The following HCRTR2 variants were observed in gnomAD, a reference collection of about 807,000 sequenced individuals.
HCRTR2 encodes hypocretin receptor 2.
A neutral mutation model predicts 49.0 loss-of-function variants in HCRTR2; 22 were observed. That is an observed-to-expected ratio of 0.45 (90% CI 0.32 to 0.64). The LOEUF is 0.64. Ranked by LOEUF, HCRTR2 falls within the 30% of genes least tolerant of loss-of-function variation. The probability of loss-of-function intolerance (pLI) is 0.04; values close to 1 mark genes in which losing one functional copy is unlikely to be tolerated. For missense variants in HCRTR2, 491 were observed against 559.4 expected (o/e 0.88, Z 1.23); for synonymous variants, 236 against 205.3 (o/e 1.15, Z -1.28).
intron 1 of HCRTR2, among the ~76,000 whole-genome samples, chr6:55,229,762 T>C (rs1469779945): frequency 6.6e-6 from 1 of 152,100 alleles, no homozygotes; most frequent in Non-Finnish European, 1.5e-5. Context: ...TGCTGTCCAA[T>C]GAGTATGTAG....
intron 1 of HCRTR2, among the ~76,000 whole-genome samples, chr6:55,153,486 G>C (rs895578939): frequency 6.6e-6 from 1 of 151,924 alleles, no homozygotes; most frequent in Non-Finnish European, 1.5e-5. Context: ...AAAAAGTACA[G>C]TAAAAATATT....
chr6:55,156,859 CAGACT>C (rs1764738198), intron 1 of HCRTR2, among the ~76,000 whole-genome samples: 2 of 152,054 alleles, frequency 1.3e-5, no homozygotes. Context: ...AAGCATTCCA[CAGACT>C]AGGAATAGAA....
chr6:55,233,281 G>A (rs753959092), intron 1 of HCRTR2, among the ~76,000 whole-genome samples: 7 of 151,944 alleles, frequency 4.6e-5, no homozygotes, highest in Non-Finnish European at 1.0e-4. Context: ...AGTAAACATG[G>A]GGTTTTACCA....
intron 4 of HCRTR2, among the ~76,000 whole-genome samples, chr6:55,271,758 G>A (rs1581870224): frequency 6.6e-6 from 1 of 151,972 alleles, no homozygotes; most frequent in Non-Finnish European, 1.5e-5. Flanking sequence ...TGGTCAATAA[G>A]CACATAAGAA....
At chr6:55,147,251 A>G (rs762676003) in intron 1 of HCRTR2, among the ~76,000 whole-genome samples, 7 of 152,176 alleles carry the variant, frequency 4.6e-5, no homozygotes, top group Admixed American at 2.0e-4. Flanking sequence ...AGTATAATAT[A>G]TACATTAATT....
At chr6:55,232,152 G>C (rs1392404613) in intron 1 of HCRTR2, among the ~76,000 whole-genome samples, 1 of 152,026 alleles carries the variant, frequency 6.6e-6, no homozygotes, top group Non-Finnish European at 1.5e-5. Flanking sequence ...GCCTCAAAGA[G>C]CATCCCCTCT....
intron 1 of HCRTR2, among the ~76,000 whole-genome samples, chr6:55,198,427 G>A (rs897234215): frequency 6.6e-6 from 1 of 151,932 alleles, no homozygotes; most frequent in Non-Finnish European, 1.5e-5. Context: ...TAATGCTAAC[G>A]TTCAGGCTAC....
intron 3 of HCRTR2, among the ~76,000 whole-genome samples, chr6:55,257,526 T>C (rs1766675784): frequency 6.6e-6 from 1 of 152,070 alleles, no homozygotes; most frequent in South Asian, 2.1e-4. Context: ...CTTTTCTTTT[T>C]TTAATGTTTC....
At chr6:55,183,931 T>G (rs917943791) in intron 1 of HCRTR2, among the ~76,000 whole-genome samples, 2 of 152,110 alleles carry the variant, frequency 1.3e-5, no homozygotes, top group African/African-American at 2.4e-5. Flanking sequence ...TCTTTTTCTT[T>G]TTACTTTTTT....
At chr6:55,254,387 TTTG>T (rs1165177234) in intron 2 of HCRTR2, among the ~76,000 whole-genome samples, 3 of 152,148 alleles carry the variant, frequency 2.0e-5, no homozygotes, top group South Asian at 2.1e-4. Flanking sequence ...TTTAAAATTT[TTTG>T]TTGTTGTTAT....
At chr6:55,118,990 A>G (rs1764158130) in intron 1 of HCRTR2, among the ~76,000 whole-genome samples, 1 of 151,558 alleles carries the variant, frequency 6.6e-6, no homozygotes, top group South Asian at 2.1e-4. Flanking sequence ...CCCTGTGTTC[A>G]TGTGTTCTCC....
intron 1 of HCRTR2, among the ~76,000 whole-genome samples, chr6:55,135,110 G>T (rs1432091311): frequency 6.6e-6 from 1 of 152,014 alleles, no homozygotes; most frequent in Admixed American, 6.6e-5. Context: ...AGGAATTAAT[G>T]AAATGGCAAC....
chr6:55,221,675 T>A (rs958390718), intron 1 of HCRTR2, among the ~76,000 whole-genome samples: 4 of 151,888 alleles, frequency 2.6e-5, no homozygotes, highest in Non-Finnish European at 5.9e-5. Flanking sequence ...TAGCCGGGCG[T>A]GGTGGTGGGC....
At chr6:55,153,087 G>A (rs1052528769) in intron 1 of HCRTR2, among the ~76,000 whole-genome samples, 4 of 151,882 alleles carry the variant, frequency 2.6e-5, no homozygotes, top group South Asian at 4.1e-4. Context: ...GTAAGCATCC[G>A]ACTTGATTTT....
At chr6:55,284,029 CTTCTT>C (rs1373703827), downstream of HCRTR2, among the ~76,000 whole-genome samples, 2 of 152,150 alleles carry the variant, frequency 1.3e-5, no homozygotes, top group Non-Finnish European at 2.9e-5. Context: ...TATTTTAGAA[CTTCTT>C]TTCTTATTTA....
At chr6:55,155,620 A>G (rs1216101056) in intron 1 of HCRTR2, among the ~76,000 whole-genome samples, 1 of 152,030 alleles carries the variant, frequency 6.6e-6, no homozygotes, top group Non-Finnish European at 1.5e-5. Flanking sequence ...CCCAAGGCCT[A>G]AGAGCTATTC....
Position 55,281,081 on chromosome 6 carries a change from TG to T in HCRTR2, c.1105+638del, listed in dbSNP as rs558129822. ...TTTGCCCGACTGACTTTTAGAATTA[TG>T]TTTTAATTAGCTACCTTTTTACATT... On this transcript the variant is annotated intron_variant, in intron 6 of 6. Transcript: ENST00000370862. Among the ~76,000 whole-genome samples the T allele has an allele frequency of 5.8e-4, 89 of 152,348 alleles. 1 individual carries two copies. The highest frequency in any genetic ancestry group is 2.0e-3 in the African/African-American group (82 of 41,594).
intron 2 of HCRTR2, 59 bp downstream of exon 2, chr6:55,248,876 G>C: frequency 7.2e-7 from 1 of 1,395,364 alleles, no homozygotes; most frequent in South Asian, 1.2e-5. Flanking sequence ...CATAGCGATG[G>C]CCCTTATGGT....
chr6:55,146,590 A>C (rs1764583448), intron 1 of HCRTR2, among the ~76,000 whole-genome samples: 1 of 149,114 alleles, frequency 6.7e-6, no homozygotes, highest in South Asian at 2.2e-4. Context: ...AAAAAAAAAA[A>C]AACAAGCTTT....
Sources: allele counts gnomAD v4.1 joint callset (sites outside exome capture counted in the v4.1 genomes callset), GRCh38; gene constraint gnomAD v4.1.1; transcripts MANE v1.5; gene names NCBI Gene and HGNC (gene_info 2026-07-23, HGNC 2026-07-21).